The following IQSEC3 variants were observed in gnomAD, a reference collection of about 807,000 sequenced individuals.
The protein encoded by IQSEC3 is IQ motif and SEC7 domain-containing protein 3.
A neutral mutation model predicts 105.4 loss-of-function variants in IQSEC3; 50 were observed. That is an observed-to-expected ratio of 0.47 (90% confidence interval 0.38 to 0.60). IQSEC3 has a LOEUF of 0.60. Ranked by LOEUF, IQSEC3 falls within the 20% of genes least tolerant of loss-of-function variation. The pLI is 0.00. For missense variants in IQSEC3, 1,415 were observed against 1,630.0 expected, an observed-to-expected ratio of 0.87 and a Z score of 2.27; for synonymous variants, 708 against 746.0, an observed-to-expected ratio of 0.95 and a Z score of 0.83.
intron 1 of IQSEC3, among the ~76,000 whole-genome samples, chr12:96,063 G>A (rs1392740830): frequency 1.3e-5 from 2 of 152,138 alleles, no homozygotes; most frequent in Non-Finnish European, 2.9e-5. Context: ...AAGGTGGTTG[G>A]GCTGCAGCTT....
At chr12:79,748 A>T (rs916864863) in intron 1 of IQSEC3, among the ~76,000 whole-genome samples, 2 of 152,204 alleles carry the variant, frequency 1.3e-5, no homozygotes, top group Non-Finnish European at 2.9e-5. Flanking sequence ...TACAAGATTC[A>T]AAAGAAAAGA....
Position 125,899 on chromosome 12 carries a change from T to A in IQSEC3, c.890T>A (p.Leu297Gln). The A allele has an allele frequency of 6.5e-7, 1 of 1,533,180 alleles. No homozygotes were observed. The highest frequency in any genetic ancestry group is 2.4e-5 in the East Asian group (1 of 40,842). The allele number at this position is 1,533,180 out of a possible 1,614,324, so 95.0% of individuals were successfully genotyped here. Reference sequence around the variant, plus strand: ...TCCGATTACGAACTCTCCCTTGACCTAAAGAATAAACAGGTACCCAGGGCC... The same window carrying A: ...TCCGATTACGAACTCTCCCTTGACCAAAAGAATAAACAGGTACCCAGGGCC... ...AASDYELSLD[L>Q]KNKQIEMLEH... The change falls in exon 3 of 14, where the codon CTA becomes CAA. Residue 297 changes from leucine to glutamine, a missense_variant. Physicochemically the swap from Leu to Gln is moderately radical, Grantham distance 113. Coordinates refer to ENST00000538872, the MANE Select transcript of IQSEC3 (RefSeq NM_001170738.2).
intron 1 of IQSEC3, among the ~76,000 whole-genome samples, chr12:87,737 G>C (rs769499679): frequency 6.6e-6 from 1 of 152,190 alleles, no homozygotes; most frequent in Non-Finnish European, 1.5e-5. Context: ...GAAGACCAGT[G>C]GGGGAGGAAA....
intron 1 of IQSEC3, among the ~76,000 whole-genome samples, chr12:74,765 A>C (rs1863454805): frequency 2.0e-5 from 3 of 152,288 alleles, no homozygotes; most frequent in Admixed American, 2.0e-4. Context: ...CAGATATCAG[A>C]GCTAGAAGGA....
At chr12:109,539 C>T (rs1051215413) in intron 2 of IQSEC3, among the ~76,000 whole-genome samples, 1 of 152,138 alleles carries the variant, frequency 6.6e-6, no homozygotes, top group Non-Finnish European at 1.5e-5. Flanking sequence ...GACAAACAGC[C>T]ATCTAGTCTT....
intron 5 of IQSEC3, among the ~76,000 whole-genome samples, chr12:147,148 C>A (rs1866308891): frequency 6.6e-6 from 1 of 152,186 alleles, no homozygotes; most frequent in African/African-American, 2.4e-5. Context: ...GAGTCAGTCT[C>A]CTCTGTGTGA....
In IQSEC3 at chr12:177,194, CCTGCT is replaced by C. The variant is rs1939264617; in HGVS notation, c.*2163_*2167del. On this transcript the variant is annotated 3_prime_UTR_variant, in exon 14 of 14. Transcript: ENST00000538872. This position sits in a 1 kb window ranked among gnomAD's most constrained non-coding sequence, Gnocchi z 5.3. Reference sequence around the variant, plus strand: ...ACCAAGGACAGGCAGGACCCCGTCCCCTGCTCACACAGCTCTTCAAGCTTACCAAG... The same window carrying C: ...ACCAAGGACAGGCAGGACCCCGTCCCCACACAGCTCTTCAAGCTTACCAAG... The C allele has an allele frequency of 1.5e-5, 2 of 133,762 alleles. No homozygotes were observed. Among genetic ancestry groups the C allele is most frequent in the African/African-American group, 6.2e-5 (2 of 32,068 alleles). The allele number at this position is 133,762 out of a possible 1,614,324, so 8.3% of individuals were successfully genotyped here.
In IQSEC3 at chr12:125,427, C is replaced by T. The variant is rs559655031; in HGVS notation, c.624-206C>T. On this transcript the variant is annotated intron_variant, in intron 2 of 13. Transcript: ENST00000538872. ...TGCCCCTTCCCTCTGTCTGAGCTGCCTCCCCAGGTGCGGGTTCTTCTCCGT... is the reference window on the plus strand; with the variant it reads ...TGCCCCTTCCCTCTGTCTGAGCTGCTTCCCCAGGTGCGGGTTCTTCTCCGT... 3.0e-3 allele frequency among the ~76,000 whole-genome samples: 458 copies of T among 152,284 alleles called. 1 individual carries two copies. Among genetic ancestry groups the T allele is most frequent in the African/African-American group, 0.01 (434 of 41,560 alleles).
rs1864458329 is a variant in IQSEC3, at chr12:102,472, G to C, written c.623+3258G>C. Among the ~76,000 whole-genome samples the C allele has an allele frequency of 2.0e-5, 3 of 152,228 alleles. 1 individual carries two copies. Among genetic ancestry groups the C allele is most frequent in the Non-Finnish European group, 4.4e-5 (3 of 68,034 alleles). ...GGGGCTGAGCAAGGGTCCCTTTCCT[G>C]AGCAAGTGCCTTCACTGCAGCACTG... On this transcript the variant is annotated intron_variant, in intron 2 of 13. Transcript: ENST00000538872.
chr12:80,770 A>G (rs1863717797), intron 1 of IQSEC3, among the ~76,000 whole-genome samples: 1 of 152,226 alleles, frequency 6.6e-6, no homozygotes, highest in South Asian at 2.1e-4. Flanking sequence ...GAGACCCGGA[A>G]TAAAGGAATC....
chr12:82,553 C>T (rs1299378603), intron 1 of IQSEC3, among the ~76,000 whole-genome samples: 2 of 152,088 alleles, frequency 1.3e-5, no homozygotes, highest in Non-Finnish European at 2.9e-5. Context: ...GACCGTCCAC[C>T]GCAGCAAAGG....
intron 2 of IQSEC3, among the ~76,000 whole-genome samples, chr12:108,680 G>A (rs1864766033): frequency 6.6e-6 from 1 of 152,268 alleles, no homozygotes; most frequent in African/African-American, 2.4e-5. Flanking sequence ...GACCCCAGGA[G>A]GAACTTGAGG....
intron 2 of IQSEC3, among the ~76,000 whole-genome samples, chr12:101,383 G>A (rs1370329794): frequency 6.6e-6 from 1 of 152,212 alleles, no homozygotes; most frequent in Non-Finnish European, 1.5e-5. Flanking sequence ...GTTTGAGGTG[G>A]ATGATAGGAA....
intron 5 of IQSEC3, chr12:147,677 G>A (rs782235850): frequency 1.3e-5 from 2 of 152,142 alleles, no homozygotes; most frequent in Non-Finnish European, 2.9e-5. Flanking sequence ...CAGAAACTGA[G>A]GCCCTGGGGA....
At chr12:101,117 G>A (rs1356000995) in intron 2 of IQSEC3, among the ~76,000 whole-genome samples, 1 of 152,178 alleles carries the variant, frequency 6.6e-6, no homozygotes, top group Non-Finnish European at 1.5e-5. Context: ...GGCCTGGCAG[G>A]GGCGGGCACC....
At chr12:76,086 TCACACACACACACACACA>T (rs55736036) in intron 1 of IQSEC3, among the ~76,000 whole-genome samples, 828 of 148,454 alleles carry the variant, frequency 5.6e-3, no homozygotes, top group African/African-American at 0.02. Flanking sequence ...GAGAGTTTCA[TCACACACACACACACACA>T]CACACACACA....
At chr12:144,275 C>T (rs1866165410) in intron 5 of IQSEC3, 1 of 152,154 alleles carries the variant, frequency 6.6e-6, no homozygotes, top group African/African-American at 2.4e-5. Context: ...ACTGTGTCTT[C>T]CTTACTCCCG....
intron 3 of IQSEC3, among the ~76,000 whole-genome samples, chr12:137,818 C>T (rs1034232184): frequency 5.3e-5 from 8 of 150,876 alleles, no homozygotes; most frequent in Non-Finnish European, 8.9e-5. Context: ...ACCAGGACAC[C>T]CAGTTAATTT....
At chr12:156,920 A>AGG in intron 5 of IQSEC3, 105 bp from the exon 6 acceptor site, 1 of 1,320,662 alleles carries the variant, frequency 7.6e-7, no homozygotes, top group Non-Finnish European at 9.9e-7. Flanking sequence ...GAGTAGCCTG[A>AGG]GGGGCCCTGC....
Sources: gnomAD v4.1 joint callset for allele counts (sites outside exome capture counted in the v4.1 genomes callset) on GRCh38, gnomAD v4.1.1 for gene constraint, Gnocchi (gnomAD v3.1) non-coding constraint, MANE v1.5 for transcripts, NCBI Gene and HGNC (gene_info 2026-07-23, HGNC 2026-07-21) for gene names.